RBFOX1: variants seen among roughly 807,000 people sequenced by gnomAD.
RBFOX1 encodes the protein RNA binding protein fox-1 homolog 1.
RBFOX1 carries 8 observed loss-of-function variants against 57.7 expected under a neutral mutation model. That is an observed-to-expected ratio of 0.14 (90% confidence interval 0.08 to 0.25). The LOEUF is 0.25. RBFOX1 is among the 10% of genes least tolerant of loss of function. The pLI is 1.00. For synonymous variants in RBFOX1, 326 were observed against 222.4 expected (o/e 1.47, Z -4.15); for missense variants, 611 against 548.5 (o/e 1.11, Z -1.14).
intron 4 of RBFOX1, among the ~76,000 whole-genome samples, chr16:7,414,330 T>A (rs942126290): frequency 6.6e-6 from 1 of 152,074 alleles, no homozygotes; most frequent in African/African-American, 2.4e-5. Flanking sequence ...TGGTACAAAG[T>A]TGGAGTAAAA....
At chr16:5,285,992 G>A (rs193094845) in intron 1 of RBFOX1, among the ~76,000 whole-genome samples, 75 of 152,144 alleles carry the variant, frequency 4.9e-4, no homozygotes, top group East Asian at 3.7e-3. Context: ...GGCTGGTCTC[G>A]AACTCCTCAC....
intron 1 of RBFOX1, among the ~76,000 whole-genome samples, chr16:6,114,671 C>G (rs547009621): frequency 7.9e-5 from 12 of 152,182 alleles, no homozygotes; most frequent in African/African-American, 2.9e-4. Flanking sequence ...TCTGTTGGCA[C>G]CAAACCCCTT....
chr16:6,110,152 C>A (rs992078057), intron 1 of RBFOX1, among the ~76,000 whole-genome samples: 1 of 150,870 alleles, frequency 6.6e-6, no homozygotes. Flanking sequence ...ATGATCACAA[C>A]AGGTTTTTCA....
intron 3 of RBFOX1, among the ~76,000 whole-genome samples, chr16:6,844,352 C>A (rs1199353219): frequency 6.6e-6 from 1 of 152,078 alleles, no homozygotes; most frequent in East Asian, 1.9e-4. Flanking sequence ...GCTCTCTTTC[C>A]TTCCCCTCAG....
chr16:7,523,269 G>C (rs1477861794), intron 5 of RBFOX1, among the ~76,000 whole-genome samples: 1 of 152,048 alleles, frequency 6.6e-6, no homozygotes, highest in Admixed American at 6.6e-5. Flanking sequence ...TTTCATTTTG[G>C]GTAATGGAGA....
intron 4 of RBFOX1, among the ~76,000 whole-genome samples, chr16:7,276,550 A>G (rs2095444018): frequency 6.6e-6 from 1 of 151,700 alleles, no homozygotes; most frequent in Non-Finnish European, 1.5e-5. Context: ...TCTATCCTTG[A>G]CTGATTTTTT....
intron 1 of RBFOX1, among the ~76,000 whole-genome samples, chr16:6,152,282 G>A (rs978448741): frequency 6.6e-6 from 1 of 152,144 alleles, no homozygotes; most frequent in Non-Finnish European, 1.5e-5. Context: ...AGTTCTTTCT[G>A]TCTCTGTATT....
intron 2 of RBFOX1, among the ~76,000 whole-genome samples, chr16:6,583,148 AAGAT>A (rs1422171668): frequency 6.6e-6 from 1 of 152,160 alleles, no homozygotes; most frequent in Non-Finnish European, 1.5e-5. Flanking sequence ...AGCCAGCTGG[AAGAT>A]AGAGATCTCA....
chr16:7,244,547 C>T (rs1015647318), intron 4 of RBFOX1, among the ~76,000 whole-genome samples: 2 of 152,200 alleles, frequency 1.3e-5, no homozygotes, highest in East Asian at 3.9e-4. Flanking sequence ...CCAGCGGTGG[C>T]TCTCAGTTGC....
chr16:5,474,224 G>A (rs538438338), intron 2 of RBFOX1, among the ~76,000 whole-genome samples: 1 of 152,324 alleles, frequency 6.6e-6, no homozygotes, highest in South Asian at 2.1e-4. Flanking sequence ...GAACTTCTAA[G>A]CATTAGGAAC....
intron 2 of RBFOX1, among the ~76,000 whole-genome samples, chr16:6,439,840 A>G (rs2094330324): frequency 6.6e-6 from 1 of 152,116 alleles, no homozygotes; most frequent in Admixed American, 6.5e-5. Context: ...CGACCCAGGG[A>G]TGCAGCTCAG....
chr16:5,932,342 A>G (rs1371939493), intron 4 of RBFOX1, among the ~76,000 whole-genome samples: 2 of 152,260 alleles, frequency 1.3e-5, no homozygotes, highest in Admixed American at 6.5e-5. Flanking sequence ...GCCAGAAAAC[A>G]GAGCCTCAGT....
intron 2 of RBFOX1, among the ~76,000 whole-genome samples, chr16:5,536,368 G>C (rs1041040824): frequency 1.3e-5 from 2 of 151,518 alleles, no homozygotes; most frequent in African/African-American, 4.9e-5. Flanking sequence ...CTGAGTAGCT[G>C]GGATTACAGG....
chr16:6,176,792 G>C (rs984989242), intron 1 of RBFOX1, among the ~76,000 whole-genome samples: 1 of 151,914 alleles, frequency 6.6e-6, no homozygotes, highest in Non-Finnish European at 1.5e-5. Context: ...GGAGAATTGT[G>C]TTAAATGTCT....
intron 3 of RBFOX1, among the ~76,000 whole-genome samples, chr16:5,769,508 C>G (rs1256930502): frequency 2.0e-5 from 3 of 150,706 alleles, no homozygotes; most frequent in Non-Finnish European, 2.9e-5. Flanking sequence ...AAAAAATTAG[C>G]TAGGTATGGT....
intron 1 of RBFOX1, among the ~76,000 whole-genome samples, chr16:6,210,376 AAAG>A (rs1330238691): frequency 5.6e-5 from 8 of 142,360 alleles, no homozygotes; most frequent in African/African-American, 9.9e-5. Flanking sequence ...AAAAAAAAAA[AAAG>A]AGAAAGGAAG....
Position 6,639,731 on chromosome 16 carries a change from T to A in RBFOX1, c.-63-14872T>A, listed in dbSNP as rs538617500. ...CTCTACTAAAAATACAAAACCAAAT[T>A]AGTTGGTCAAGGTGTTGGGCGCCTG... On this transcript the variant is annotated intron_variant, in intron 2 of 15. Coordinates refer to ENST00000550418, the MANE Select transcript of RBFOX1 (RefSeq NM_018723.4). Among the ~76,000 whole-genome samples, 6 of 151,840 alleles carry A rather than the reference T, an allele frequency of 4.0e-5. No homozygotes were observed. The East Asian group carries it at 9.7e-4, about 25-fold the overall frequency.
At chr16:7,691,448 G>T (rs571537691) in intron 14 of RBFOX1, among the ~76,000 whole-genome samples, 35 of 151,478 alleles carry the variant, frequency 2.3e-4, no homozygotes, top group African/African-American at 7.5e-4. Flanking sequence ...GGAAAGGAAA[G>T]GAGAAAAGGA....
At chr16:5,311,447 C>G (rs769217006) in intron 1 of RBFOX1, among the ~76,000 whole-genome samples, 1 of 152,090 alleles carries the variant, frequency 6.6e-6, no homozygotes, top group Non-Finnish European at 1.5e-5. Context: ...AGTGATAGAT[C>G]TACATTTAGT....
Sources: gnomAD v4.1 joint callset for allele counts (sites outside exome capture counted in the v4.1 genomes callset) on GRCh38, gnomAD v4.1.1 for gene constraint, MANE v1.5 for transcripts, NCBI Gene and HGNC (gene_info 2026-07-23, HGNC 2026-07-21) for gene names.